The following SLITRK6 variants were observed in gnomAD, a reference collection of about 807,000 sequenced individuals.
SLITRK6 encodes SLIT and NTRK like family member 6.
A neutral mutation model predicts 55.6 loss-of-function variants in SLITRK6; 35 were observed. The observed-to-expected ratio is 0.63, with a 90% CI of 0.48 to 0.83. SLITRK6 has a LOEUF of 0.83. Ranked by LOEUF, SLITRK6 falls within the 40% of genes least tolerant of loss-of-function variation. SLITRK6 has a pLI of 0.00. For synonymous variants in SLITRK6, 392 were observed against 359.6 expected (o/e 1.09, Z -1.02); for missense variants, 977 against 986.4 (o/e 0.99, Z 0.13).
Position 85,793,849 on chromosome 13 carries a change from T to C in SLITRK6, c.*134A>G. The C allele has an allele frequency of 1.9e-6, 2 of 1,039,502 alleles. No homozygotes were observed. Among genetic ancestry groups the C allele is most frequent in the Non-Finnish European group, 2.6e-6 (2 of 755,528 alleles). The allele number at this position is 1,039,502 out of a possible 1,614,324, so 64.4% of individuals were successfully genotyped here. On this transcript the variant is annotated 3_prime_UTR_variant, in exon 2 of 2. Transcript: ENST00000647374. ...TGATCCCTGAGTTTCTTTTTCTTCT[T>C]CTTTTTTTTTCCCCATAGTTTACTG...
At position 85,799,228 on chromosome 13, in the gene SLITRK6, C is replaced by T. The variant is rs1874810009; in HGVS notation, c.-339G>A. The T allele has an allele frequency of 6.6e-6, 1 of 151,896 alleles. No homozygotes were observed. The highest frequency in any genetic ancestry group is 1.5e-5 in the Non-Finnish European group (1 of 67,994). The allele number at this position is 151,896 out of a possible 1,614,324, so 9.4% of individuals were successfully genotyped here. A position where few individuals can be genotyped will look rare whatever the true frequency, so the allele number is the denominator to read the frequency against. ...TGCTGACTTTTTTGCATATAGTTAA[C>T]CATTTGCAAGCTGCTGAATGCAGTA... On this transcript the variant is annotated 5_prime_UTR_variant, in exon 1 of 2. Coordinates refer to ENST00000647374, the MANE Select transcript of SLITRK6 (RefSeq NM_032229.3).
rs1443936091 is a variant in SLITRK6, at chr13:85,795,734, T to G, written c.775A>C (p.Ser259Arg). Residue 259 changes from serine to arginine, a missense_variant, in exon 2 of 2, where the codon AGT becomes CGT. Physicochemically the swap from Ser to Arg is moderately radical, Grantham distance 110. Transcript: ENST00000647374. Reference sequence around the variant, plus strand: ...CAAATAGATTCCTTCTTTAGTCTACTGAGTATACTTCCTTTAAAAAATGGA... The same window carrying G: ...CAAATAGATTCCTTCTTTAGTCTACGGAGTATACTTCCTTTAAAAAATGGA... ...SPPFFKGSIL[S>R]RLKKESICPT... The G allele has an allele frequency of 6.2e-7, 1 of 1,612,826 alleles. No homozygotes were observed. The highest frequency in any genetic ancestry group is 8.5e-7 in the Non-Finnish European group (1 of 1,179,330).
chr13:85,793,049 C>T lies in SLITRK6; in HGVS notation c.*934G>A, dbSNP rs1874592375. On this transcript the variant is annotated 3_prime_UTR_variant, in exon 2 of 2. Transcript: ENST00000647374. The stretch of plus-strand genomic sequence containing the variant: ...CATCAATAAAAATAAAATAATTTTT[C>T]CTATTTACTTTACAACTGTGAATTA... 2 of 152,174 alleles carry T rather than the reference C, an allele frequency of 1.3e-5. No homozygotes were observed. The highest frequency in any genetic ancestry group is 4.2e-4 in the South Asian group (2 of 4,814). 9.4% of individuals were successfully genotyped at this position (152,174 alleles called of 1,614,324 possible). A position where few individuals can be genotyped will look rare whatever the true frequency, so the allele number is the denominator to read the frequency against.
rs1352090466 is a variant in SLITRK6 at position 85,794,286 on chromosome 13, G to A, written c.2223C>T (p.Asn741=). 3.1e-6 allele frequency: 5 copies of A among 1,613,318 alleles called. 1 individual carries two copies. Among genetic ancestry groups the A allele is most frequent in the Non-Finnish European group, 4.2e-6 (5 of 1,179,564 alleles). The change falls in exon 2 of 2, where the codon AAC becomes AAT. Residue 741 remains asparagine, a synonymous_variant. Transcript: ENST00000647374. ...TGSNMKYKTT[N]QSTEFLSFQD... ...GGAAGGATAAAAATTCTGTTGATTG[G>A]TTCGTGGTTTTGTATTTCATATTTG...
rs766553493 is a variant in SLITRK6 at position 85,794,229 on chromosome 13, T to G, written c.2280A>C (p.Leu760Phe). Reference protein sequence around the residue: ...QDASSLYRNILEKERELQQLG... With the variant: ...QDASSLYRNIFEKERELQQLG... ...GTTGCTGAAGTTCCCTTTCTTTTTC[T>G]AAAATGTTTCTGTACAATGAGCTGG... Residue 760 changes from leucine (L) to phenylalanine (F), a missense_variant, in exon 2 of 2, where the codon TTA becomes TTC. Leu to Phe is a conservative substitution (Grantham distance 22). Transcript: ENST00000647374. 15 of 1,612,886 alleles carry G rather than the reference T, an allele frequency of 9.3e-6. No homozygotes were observed. The highest frequency in any genetic ancestry group is 1.3e-5 in the African/African-American group (1 of 74,780).
chr13:85,796,952 A>G (rs1874744733), intron 1 of SLITRK6, among the ~76,000 whole-genome samples: 1 of 151,778 alleles, frequency 6.6e-6, no homozygotes, highest in Admixed American at 6.6e-5. Flanking sequence ...ATTATAGTAA[A>G]AGACAATTAC....
In SLITRK6 at chr13:85,794,145, T is replaced by C. The variant is rs1418768394; in HGVS notation, c.2364A>G (p.Ala788=). ...NIAQLQPDME[A]HYPGAHEELK... is the part of the protein sequence containing the mutation. Reference sequence around the variant, plus strand: ...GCTCTTCGTGGGCTCCAGGATAATGTGCCTCCATATCAGGCTGGAGCTGAG... The same window carrying C: ...GCTCTTCGTGGGCTCCAGGATAATGCGCCTCCATATCAGGCTGGAGCTGAG... The change falls in exon 2 of 2, where the codon GCA becomes GCG. Residue 788 remains alanine (A), a synonymous_variant. Coordinates refer to ENST00000647374, the MANE Select transcript of SLITRK6 (RefSeq NM_032229.3). The C allele has an allele frequency of 1.2e-6, 2 of 1,613,160 alleles. No homozygotes were observed. The highest frequency in any genetic ancestry group is 3.3e-5 in the Admixed American group (2 of 59,830).
rs1221449441 is a variant in SLITRK6, at chr13:85,796,201, A to T, written c.308T>A (p.Ile103Asn). ...AAGGCCATTAAATGCACCTATCTCA[A>T]TATCTGCAATATTGTTAAATCCAAG... is the stretch of plus-strand genomic sequence containing the variant. ...IHLGFNNIADIEIGAFNGLGL... is the reference protein window; with the variant it reads ...IHLGFNNIADNEIGAFNGLGL... Residue 103 changes from isoleucine to asparagine, a missense_variant, in exon 2 of 2, where the codon ATT becomes AAT. By Grantham distance (149) the Ile-to-Asn change is moderately radical (BLOSUM62 -3). Transcript: ENST00000647374. 8.7e-6 allele frequency: 14 copies of T among 1,613,020 alleles called. No individual in the cohort carries two copies. Among genetic ancestry groups the T allele is most frequent in the African/African-American group, 1.3e-5 (1 of 74,848 alleles).
Position 85,794,353 on chromosome 13 carries a change from C to A in SLITRK6, c.2156G>T (p.Arg719Ile), listed in dbSNP as rs1566397267. ...KEGSDAKHLQ[R>I]SLLEQENHSP... ...ATGATTTTCCTGTTCCAAAAGACTT[C>A]TTTGGAGATGTTTTGCATCACTTCC... The change falls in exon 2 of 2, where the codon AGA becomes ATA. Residue 719 changes from arginine to isoleucine, a missense_variant. Arg to Ile is a moderately conservative substitution (Grantham distance 97). Coordinates refer to ENST00000647374, the MANE Select transcript of SLITRK6 (RefSeq NM_032229.3). The A allele has an allele frequency of 6.2e-7, 1 of 1,613,280 alleles. No homozygotes were observed. The highest frequency in any genetic ancestry group is 8.5e-7 in the Non-Finnish European group (1 of 1,179,538).
At chr13:85,798,313 A>G (rs1874782048) in intron 1 of SLITRK6, among the ~76,000 whole-genome samples, 1 of 152,002 alleles carries the variant, frequency 6.6e-6, no homozygotes, top group South Asian at 2.1e-4. Flanking sequence ...CACCAGGTAT[A>G]GCATCAGAGA....
In SLITRK6 at chr13:85,794,797, T is replaced by C; in HGVS notation, c.1712A>G (p.Asn571Ser). Residue 571 changes from asparagine to serine, a missense_variant, in exon 2 of 2, where the codon AAT becomes AGT. Transcript: ENST00000647374. ...AGTCTGTGTTGGCATGGATGGGTTATTTACTAAACCTGGACAGAGAATTTC... is the reference window on the plus strand; with the variant it reads ...AGTCTGTGTTGGCATGGATGGGTTACTTACTAAACCTGGACAGAGAATTTC... The part of the protein sequence containing the change: ...NSEILCPGLV[N>S]NPSMPTQTSY... 6.2e-7 allele frequency: 1 copy of C among 1,613,226 alleles called. No individual in the cohort carries two copies. The highest frequency in any genetic ancestry group is 8.5e-7 in the Non-Finnish European group (1 of 1,179,532).
chr13:85,798,822 T>C (rs915970055), intron 1 of SLITRK6, 92 bp downstream of exon 1: 1 of 151,930 alleles, frequency 6.6e-6, no homozygotes, highest in African/African-American at 2.4e-5. Context: ...TAATGCAAAG[T>C]TGTTTATTTA....
rs145447423 is a variant in SLITRK6, at chr13:85,793,716, T to C, written c.*267A>G. 104 of 323,732 alleles carry C rather than the reference T, an allele frequency of 3.2e-4. 2 individuals are homozygous for C. In the East Asian group the frequency reaches 4.9e-3, roughly 15 times the overall value. The allele number at this position is 323,732 out of a possible 1,614,324, so 20.1% of individuals were successfully genotyped here. A position where few individuals can be genotyped will look rare whatever the true frequency, so the allele number is the denominator to read the frequency against. On this transcript the variant is annotated 3_prime_UTR_variant, in exon 2 of 2. Transcript: ENST00000647374. ...TGCAAGAGGACTCCTATGAGACACTTTTCAGTATATGAAATATTACTATAA... is the reference window on the plus strand; with the variant it reads ...TGCAAGAGGACTCCTATGAGACACTCTTCAGTATATGAAATATTACTATAA...
rs1207511836 is a variant in SLITRK6, at chr13:85,799,272, C to G, written c.-383G>C. Reference sequence around the variant, plus strand: ...TGCAGTAAGTAAACAAGATGTTTAACAGAGCTGAGATTGATCACTCTTGCT... The same window carrying G: ...TGCAGTAAGTAAACAAGATGTTTAAGAGAGCTGAGATTGATCACTCTTGCT... On this transcript the variant is annotated 5_prime_UTR_variant, in exon 1 of 2. Transcript: ENST00000647374. 1.3e-5 allele frequency: 2 copies of G among 152,048 alleles called. No individual in the cohort carries two copies. Among genetic ancestry groups the G allele is most frequent in the Non-Finnish European group, 2.9e-5 (2 of 68,014 alleles). 9.4% of individuals were successfully genotyped at this position (152,048 alleles called of 1,614,324 possible). A position where few individuals can be genotyped will look rare whatever the true frequency, so the allele number is the denominator to read the frequency against.
rs754372751 is a variant in SLITRK6, at chr13:85,795,918, T to C, written c.591A>G (p.Thr197=). The change falls in exon 2 of 2, where the codon ACA becomes ACG. Residue 197 remains threonine (T), a synonymous_variant. Coordinates refer to ENST00000647374, the MANE Select transcript of SLITRK6 (RefSeq NM_032229.3). ...GTTCGAGAAAACCAACATAAGGCAA[T>C]GTTTGTAATTGATTTCCACGAAGAT... The part of the protein sequence containing the change: ...HLDLRGNQLQ[T]LPYVGFLEHI... The C allele has an allele frequency of 3.1e-6, 5 of 1,612,852 alleles. No homozygotes were observed. Among genetic ancestry groups the C allele is most frequent in the Non-Finnish European group, 4.2e-6 (5 of 1,179,416 alleles).
chr13:85,794,439 A>ATAAT lies in SLITRK6; in HGVS notation c.2069_2070insATTA (p.Tyr690Ter). On this transcript the variant is annotated stop_gained and frameshift_variant, in exon 2 of 2. Coordinates refer to ENST00000647374, the MANE Select transcript of SLITRK6 (RefSeq NM_032229.3). LOFTEE classifies it high-confidence loss of function. ...GCTTTGGACCAAAGGATGGACTTCT[A>ATAAT]TAGACATGAACCATGGGGCTCACCA... is the stretch of plus-strand genomic sequence containing the variant. 6.2e-7 allele frequency: 1 copy of ATAAT among 1,613,294 alleles called. No homozygotes were observed. Among genetic ancestry groups the ATAAT allele is most frequent in the Non-Finnish European group, 8.5e-7 (1 of 1,179,544 alleles).
chr13:85,795,041 T>G lies in SLITRK6; in HGVS notation c.1468A>C (p.Lys490Gln). ...GGTAGATGGGTAAACTGGTTTGTTT[T>G]AAGATTTACCTTAGTTAGAGGAACC... ...SGVPLTKVNLKTNQFTHLPVS... is the reference protein window; with the variant it reads ...SGVPLTKVNLQTNQFTHLPVS... The change falls in exon 2 of 2, where the codon AAA (lysine) becomes CAA (glutamine). Residue 490 changes from lysine (K) to glutamine (Q), a missense_variant. Transcript: ENST00000647374. The G allele has an allele frequency of 6.2e-7, 1 of 1,613,038 alleles. No individual in the cohort carries two copies. The highest frequency in any genetic ancestry group is 8.5e-7 in the Non-Finnish European group (1 of 1,179,390).
In SLITRK6 at chr13:85,794,431, G is replaced by A; in HGVS notation, c.2078C>T (p.Pro693Leu). The change falls in exon 2 of 2, where the codon CCA (proline) becomes CTA (leucine). Residue 693 changes from proline (P) to leucine (L), a missense_variant. Coordinates refer to ENST00000647374, the MANE Select transcript of SLITRK6 (RefSeq NM_032229.3). The part of the protein sequence containing the change: ...VSPMVHVYRS[P>L]SFGPKHLEEE... ...TTCCAGATGCTTTGGACCAAAGGAT[G>A]GACTTCTATAGACATGAACCATGGG... 6.2e-7 allele frequency: 1 copy of A among 1,613,256 alleles called. No homozygotes were observed. Among genetic ancestry groups the A allele is most frequent in the South Asian group, 1.1e-5 (1 of 91,058 alleles).
rs1303439468 is a variant in SLITRK6 at position 85,795,166 on chromosome 13, T to G, written c.1343A>C (p.Lys448Thr). Residue 448 changes from lysine (K) to threonine (T), a missense_variant, in exon 2 of 2, where the codon AAG becomes ACG. Transcript: ENST00000647374. ...ATTAAAGGTTCCTGGCAGTATTTCC[T>G]TAATGGCATTGTATTCAAGATATAA... ...EYLYLEYNAI[K>T]EILPGTFNPM... 1 of 1,612,794 alleles carries G rather than the reference T, an allele frequency of 6.2e-7. No homozygotes were observed.
Sources: allele counts gnomAD v4.1 joint callset (sites outside exome capture counted in the v4.1 genomes callset), GRCh38; gene constraint gnomAD v4.1.1; transcripts MANE v1.5; gene names NCBI Gene and HGNC (gene_info 2026-07-23, HGNC 2026-07-21).